The following CD207 variants were observed in gnomAD, a reference collection of about 807,000 sequenced individuals.
CD207 encodes the protein C-type lectin domain family 4 member K.
In CD207, 28 loss-of-function variants were observed where a neutral mutation model predicts 31.6. The observed-to-expected ratio is 0.89, with a 90% CI of 0.66 to 1.21. The LOEUF is 1.21. Ranked by LOEUF, CD207 falls within the 50% of genes most tolerant of loss-of-function variation. CD207 has a pLI of 0.00. For missense variants in CD207, 388 were observed against 397.8 expected (o/e 0.98, Z 0.21); for synonymous variants, 168 against 153.9 (o/e 1.09, Z -0.68).
In CD207 at chr2:70,831,216, A is replaced by G. The variant is rs1553399715; in HGVS notation, c.837-16T>C. On this transcript the variant is annotated splice_polypyrimidine_tract_variant and intron_variant, in intron 5 of 5. Transcript: ENST00000410009. ...AATCCAGAACCTACCAAGAGCGGGG[A>G]AAAAGATGGATTTACAAAGTGGAAA... 1 of 1,589,264 alleles carries G rather than the reference A, an allele frequency of 6.3e-7. No individual in the cohort carries two copies. The highest frequency in any genetic ancestry group is 1.8e-5 in the Admixed American group (1 of 54,260).
chr2:70,825,184 G>A, the CD207 span, among the ~76,000 whole-genome samples: 4 of 152,104 alleles, frequency 2.6e-5, no homozygotes, highest in Non-Finnish European at 5.9e-5. Flanking sequence ...CCATTTAAGG[G>A]ACAATCTACA....
chr2:70,832,739 C>G (rs1677505165), intron 4 of CD207, among the ~76,000 whole-genome samples, 161 bp downstream of exon 4: 1 of 152,192 alleles, frequency 6.6e-6, no homozygotes, highest in Non-Finnish European at 1.5e-5. Flanking sequence ...GTGAGCACAG[C>G]CCCCTTGCCG....
chr2:70,835,572 C>T lies in CD207; in HGVS notation c.109G>A (p.Gly37Arg). 6.2e-7 allele frequency: 1 copy of T among 1,613,970 alleles called. No homozygotes were observed. ...PPKSGPSLVP[G>R]KTPTVRAALI... ...GCAGCACGGACTGTGGGTGTTTTCC[C>T]CGGGACCAGAGATGGACCGGACTTG... The change falls in exon 2 of 6, where the codon GGG becomes AGG. Residue 37 changes from glycine (G) to arginine (R), a missense_variant. Transcript: ENST00000410009.
intron 2 of CD207, 120 bp downstream of exon 2, chr2:70,835,371 G>A (rs958275754): frequency 8.3e-6 from 6 of 724,294 alleles, no homozygotes; most frequent in South Asian, 6.0e-5. Flanking sequence ...GGAGGAAGGA[G>A]ACAAATGAAA....
downstream of CD207, among the ~76,000 whole-genome samples, chr2:70,828,697 G>C (rs1285931906): frequency 2.6e-4 from 39 of 151,878 alleles, no homozygotes; most frequent in Non-Finnish European, 2.9e-5. Context: ...ACAAAGTCTT[G>C]CCCTGTTGCC....
chr2:70,834,134 C>G (rs2104703928), intron 2 of CD207, 114 bp from the exon 3 acceptor site: 3 of 977,914 alleles, frequency 3.1e-6, no homozygotes, highest in South Asian at 6.1e-5. Context: ...CCCAAAGAAC[C>G]AAGACAGTCC....
chr2:70,824,931 G>A, the CD207 span, among the ~76,000 whole-genome samples: 4 of 152,154 alleles, frequency 2.6e-5, no homozygotes, highest in Non-Finnish European at 5.9e-5. Context: ...AGTGTGAACT[G>A]CATATAGTGA....
rs1397104350 is a variant in CD207, at chr2:70,832,341, C to T, written c.718-522G>A. On this transcript the variant is annotated intron_variant, in intron 4 of 5. Transcript: ENST00000410009. ...TCAGGCTCTAGAACTACGCCAGAGC[C>T]CAGGCTCTGACCTGCTCTGCTATCC... Among the ~76,000 whole-genome samples, 4 of 152,166 alleles carry T rather than the reference C, an allele frequency of 2.6e-5. No individual in the cohort carries two copies. In the East Asian group the frequency reaches 7.7e-4, roughly 29 times the overall value.
Position 70,830,821 on chromosome 2 carries a change from T to C in CD207, c.*229A>G. Reference sequence around the variant, plus strand: ...GCAATTGGAACTTCTAAATCCTCTCTACCCACCCCTCCCACTTTAACCTGA... The same window carrying C: ...GCAATTGGAACTTCTAAATCCTCTCCACCCACCCCTCCCACTTTAACCTGA... On this transcript the variant is annotated 3_prime_UTR_variant, in exon 6 of 6. Coordinates refer to ENST00000410009, the MANE Select transcript of CD207 (RefSeq NM_015717.5). 2.0e-6 allele frequency: 1 copy of C among 494,530 alleles called. No homozygotes were observed. The highest frequency in any genetic ancestry group is 3.6e-6 in the Non-Finnish European group (1 of 277,380). 30.6% of individuals were successfully genotyped at this position (494,530 alleles called of 1,614,324 possible). A position where few individuals can be genotyped will look rare whatever the true frequency, so the allele number is the denominator to read the frequency against.
At chr2:70,834,922 T>C (rs17006438) in intron 2 of CD207, among the ~76,000 whole-genome samples, 4,783 of 152,234 alleles carry the variant, frequency 0.031, 248 homozygotes, top group African/African-American at 0.11. Context: ...AGATAAACCA[T>C]GCAACATCAA....
At chr2:70,825,036 G>T in the CD207 span, among the ~76,000 whole-genome samples, 2 of 152,158 alleles carry the variant, frequency 1.3e-5, no homozygotes, top group Non-Finnish European at 2.9e-5. Context: ...GGAGATCAAG[G>T]TCAACGCCAA....
rs1553400943 is a variant in CD207 at position 70,835,744 on chromosome 2, G to T, written c.33C>A (p.His11Gln). 1.9e-6 allele frequency: 3 copies of T among 1,613,132 alleles called. No individual in the cohort carries two copies. Among genetic ancestry groups the T allele is most frequent in the African/African-American group, 2.7e-5 (2 of 75,012 alleles). The change falls in exon 1 of 6, where the codon CAC becomes CAA. Residue 11 changes from histidine (H) to glutamine (Q), a missense_variant. His to Gln is a conservative substitution (Grantham distance 24). Coordinates refer to ENST00000410009, the MANE Select transcript of CD207 (RefSeq NM_015717.5). ...AGATGTTCTGTTTGTCCACAGTGAAGTGCGCATCAGGGGCCTCCTTCTCCA... is the reference window on the plus strand; with the variant it reads ...AGATGTTCTGTTTGTCCACAGTGAATTGCGCATCAGGGGCCTCCTTCTCCA... MTVEKEAPDA[H>Q]FTVDKQNISL... is the part of the protein sequence containing the mutation.
chr2:70,828,838 G>C (rs1677404760), downstream of CD207, among the ~76,000 whole-genome samples: 4 of 152,168 alleles, frequency 2.6e-5, no homozygotes, highest in South Asian at 8.3e-4. Flanking sequence ...GCTAATTTTT[G>C]TATTTTTAGT....
At chr2:70,833,175 G>A (rs1553400189) in intron 3 of CD207, 124 bp from the exon 4 acceptor site, 3 of 851,006 alleles carry the variant, frequency 3.5e-6, no homozygotes, top group African/African-American at 3.4e-5. Context: ...GGTGTCCTTG[G>A]GTCCTTGTAT....
Position 70,831,793 on chromosome 2 carries a change from T to A in CD207, c.744A>T (p.Gly248=). ...TAGTCAGGCCAATCCAGTAGATGAG[T>A]CCCCCCGCTGTTTTATACAGAAACT... ...EQEFLYKTAG[G]LIYWIGLTKA... is the part of the protein sequence containing the mutation. Residue 248 remains glycine, a synonymous_variant, in exon 5 of 6, where the codon GGA becomes GGT. Transcript: ENST00000410009. 6.2e-7 allele frequency: 1 copy of A among 1,612,196 alleles called. No homozygotes were observed. The highest frequency in any genetic ancestry group is 1.7e-5 in the Admixed American group (1 of 60,008).
At chr2:70,824,532 A>T in the CD207 span, among the ~76,000 whole-genome samples, 2 of 148,878 alleles carry the variant, frequency 1.3e-5, no homozygotes, top group Non-Finnish European at 3.0e-5. Flanking sequence ...CTCATTAGAG[A>T]AATGGCTGAC....
At position 70,833,809 on chromosome 2, in the gene CD207, G is replaced by A. The variant is rs782591870; in HGVS notation, c.402C>T (p.Asn134=). The A allele has an allele frequency of 8.1e-6, 13 of 1,613,944 alleles. No homozygotes were observed. The East Asian group carries it at 1.3e-4, about 17-fold the overall frequency. ...LKLKTSVEKA[N]AQIQILTRSW... ...TTCTTGTTAAGATCTGGATCTGTGC[G>A]TTGGCCTTCTCCACACTGGTTTTTA... The change falls in exon 3 of 6, where the codon AAC becomes AAT. Residue 134 remains asparagine, a synonymous_variant. Coordinates refer to ENST00000410009, the MANE Select transcript of CD207 (RefSeq NM_015717.5).
At chr2:70,835,425 G>A (rs782651869) in intron 2 of CD207, 66 bp downstream of exon 2, 118 of 1,126,320 alleles carry the variant, frequency 1.0e-4, no homozygotes, top group South Asian at 4.4e-4. Context: ...AAGTGGTCTC[G>A]ATCTGAAGGG....
Position 70,831,020 on chromosome 2 carries a change from C to T in CD207, c.*30G>A, listed in dbSNP as rs17006424. The stretch of plus-strand genomic sequence containing the variant: ...TCCTCATGTTTAACAAGCGTTGGAG[C>T]TCAAAGAGTGAGCTTGGGAGCCTGT... On this transcript the variant is annotated 3_prime_UTR_variant, in exon 6 of 6. Transcript: ENST00000410009. 3.9e-3 allele frequency: 6,213 copies of T among 1,598,862 alleles called. 212 individuals carry two copies. The African/African-American group carries it at 0.073, about 19-fold the overall frequency.
Sources: gnomAD v4.1 joint callset for allele counts (sites outside exome capture counted in the v4.1 genomes callset) on GRCh38, gnomAD v4.1.1 for gene constraint, MANE v1.5 for transcripts, NCBI Gene and HGNC (gene_info 2026-07-23, HGNC 2026-07-21) for gene names.